The following ARHGEF11 variants were observed in gnomAD, a reference collection of about 807,000 sequenced individuals.
The protein encoded by ARHGEF11 is Rho guanine exchange factor (GEF) 11.
A neutral mutation model predicts 193.7 loss-of-function variants in ARHGEF11; 55 were observed. The ratio of observed to expected loss-of-function variants is 0.28; its 90% CI spans 0.23 to 0.36. ARHGEF11 has a LOEUF of 0.36. ARHGEF11 is among the 10% of genes least tolerant of loss of function. The pLI, the probability that ARHGEF11 is intolerant of heterozygous loss-of-function variation, is 1.00. For missense variants in ARHGEF11, 1,723 were observed against 2,005.6 expected (o/e 0.86, Z 2.69); for synonymous variants, 693 against 768.0 (o/e 0.90, Z 1.62).
chr1:156,965,439 T>C (rs1383617795), intron 11 of ARHGEF11, among the ~76,000 whole-genome samples: 1 of 152,198 alleles, frequency 6.6e-6, no homozygotes, highest in Non-Finnish European at 1.5e-5. Flanking sequence ...AGGCTAGCCC[T>C]TGAACATTCC....
chr1:156,996,568 T>C (rs1384359167), intron 1 of ARHGEF11, among the ~76,000 whole-genome samples: 1 of 151,692 alleles, frequency 6.6e-6, no homozygotes, highest in Admixed American at 6.6e-5. Flanking sequence ...GGTCAGGAGA[T>C]TGAGACCATC....
At position 156,974,343 on chromosome 1, in the gene ARHGEF11, C is replaced by T. The variant is rs1662959546; in HGVS notation, c.583-2527G>A. On this transcript the variant is annotated intron_variant, in intron 7 of 40. Transcript: ENST00000368194. ...TTGGCTTCCCAAAGTGCTGGGATTA[C>T]AGGCATGAGCTACCACTCCTGGTCC... Among the ~76,000 whole-genome samples the T allele has an allele frequency of 2.0e-5, 3 of 152,220 alleles. No homozygotes were observed. In the South Asian group the frequency reaches 6.2e-4, roughly 31 times the overall value.
chr1:156,983,008 C>T (rs548662865), intron 3 of ARHGEF11, among the ~76,000 whole-genome samples: 1 of 152,278 alleles, frequency 6.6e-6, no homozygotes, highest in Admixed American at 6.5e-5. Flanking sequence ...CTCATATCTT[C>T]CTCCAAAATC....
rs934961166 is a variant in ARHGEF11 at position 156,935,724 on chromosome 1, T to TGGGTG, written c.*275_*276insCACCC. Reference sequence around the variant, plus strand: ...ACATATGTGGGGTGAGGGCAGACCATGGTGAGTGGGGGCCTTTCGGATGCA... The same window carrying TGGGTG: ...ACATATGTGGGGTGAGGGCAGACCATGGGTGGGTGAGTGGGGGCCTTTCGGATGCA... On this transcript the variant is annotated 3_prime_UTR_variant, in exon 41 of 41. Transcript: ENST00000368194. 3.8e-4 allele frequency: 172 copies of TGGGTG among 455,810 alleles called. No homozygotes were observed. Among genetic ancestry groups the TGGGTG allele is most frequent in the African/African-American group, 3.3e-3 (168 of 51,174 alleles). 28.2% of individuals were successfully genotyped at this position (455,810 alleles called of 1,614,324 possible). A position where few individuals can be genotyped will look rare whatever the true frequency, so the allele number is the denominator to read the frequency against.
At chr1:156,973,330 C>T (rs967866342) in intron 7 of ARHGEF11, among the ~76,000 whole-genome samples, 43 of 152,290 alleles carry the variant, frequency 2.8e-4, no homozygotes, top group African/African-American at 9.9e-4. Flanking sequence ...CCCATTACTG[C>T]GCAGGCTACT....
chr1:156,997,053 G>C (rs946851307), intron 1 of ARHGEF11, among the ~76,000 whole-genome samples: 8 of 150,506 alleles, frequency 5.3e-5, no homozygotes, highest in Admixed American at 2.6e-4. Flanking sequence ...TTTTTTTGTA[G>C]AGATGGGGTC....
chr1:157,042,395 A>G (rs2103111363), intron 1 of ARHGEF11, among the ~76,000 whole-genome samples: 1 of 152,286 alleles, frequency 6.6e-6, no homozygotes. Context: ...CCAGTACAGA[A>G]GCCTAGTTAG....
chr1:156,961,599 T>C (rs1271635242), intron 14 of ARHGEF11, 78 bp downstream of exon 14: 1 of 1,239,548 alleles, frequency 8.1e-7, no homozygotes, highest in East Asian at 2.3e-5. Flanking sequence ...TTGGCCTGGA[T>C]GTTTTGCTTA....
chr1:156,944,527 T>G, intron 30 of ARHGEF11, 94 bp from the exon 31 acceptor site: 1 of 1,346,868 alleles, frequency 7.4e-7, no homozygotes, highest in Non-Finnish European at 1.1e-6. Flanking sequence ...GTTAAGGTGC[T>G]GGGAATTGGT....
In ARHGEF11 at chr1:156,956,459, G is replaced by C; in HGVS notation, c.1632C>G (p.Asp544Glu). Reference protein sequence around the residue: ...NTAEKAQSAPDKDKWLPFFPK... With the variant: ...NTAEKAQSAPEKDKWLPFFPK... ...GGAAGAACGGTAGCCACTTGTCCTT[G>C]TCAGGAGCAGACTGGGCCTTTTCAG... Residue 544 changes from aspartate to glutamate, a missense_variant, in exon 19 of 41, where the codon GAC (aspartate) becomes GAG (glutamate). This residue lies in a region of ARHGEF11 where 646 missense variants were observed against 710.7 expected (regional missense o/e 0.91). Coordinates refer to ENST00000368194, the MANE Select transcript of ARHGEF11 (RefSeq NM_198236.3). 1 of 1,614,172 alleles carries C rather than the reference G, an allele frequency of 6.2e-7. No individual in the cohort carries two copies. The highest frequency in any genetic ancestry group is 2.2e-5 in the East Asian group (1 of 44,876).
chr1:157,004,266 C>T (rs1269025944), intron 1 of ARHGEF11, among the ~76,000 whole-genome samples: 1 of 152,230 alleles, frequency 6.6e-6, no homozygotes, highest in Non-Finnish European at 1.5e-5. Context: ...TATATTCCTA[C>T]CACTATCCTA....
intron 26 of ARHGEF11, 54 bp downstream of exon 26, chr1:156,947,250 A>AGGTTACCTACTT: frequency 1.3e-6 from 2 of 1,560,978 alleles, no homozygotes; most frequent in Non-Finnish European, 1.7e-6. Flanking sequence ...CCAAAGTGGA[A>AGGTTACCTACTT]CAGGAAGCTG....
intron 1 of ARHGEF11, among the ~76,000 whole-genome samples, chr1:157,022,890 A>T (rs1401664781): frequency 6.6e-6 from 1 of 152,344 alleles, no homozygotes; most frequent in East Asian, 1.9e-4. Context: ...GTGCCAAGAC[A>T]ATTAAATGGA....
At position 157,026,501 on chromosome 1, in the gene ARHGEF11, A is replaced by G. The variant is rs569404348; in HGVS notation, c.32+17798T>C. Among the ~76,000 whole-genome samples the G allele has an allele frequency of 2.6e-5, 4 of 152,346 alleles. No homozygotes were observed. In the South Asian group the frequency reaches 6.2e-4, roughly 24 times the overall value. ...CCCAGATCACCCAGATGATTATAAT[A>G]GAGAAGGTAGGGCTAGAACTGTAGA... is the stretch of plus-strand genomic sequence containing the variant. On this transcript the variant is annotated intron_variant, in intron 1 of 40. Coordinates refer to ENST00000368194, the MANE Select transcript of ARHGEF11 (RefSeq NM_198236.3).
chr1:157,000,045 C>G (rs999656966), intron 1 of ARHGEF11, among the ~76,000 whole-genome samples: 2 of 152,216 alleles, frequency 1.3e-5, no homozygotes, highest in African/African-American at 4.8e-5. Context: ...CTCACTGCAA[C>G]CTTCGCCTCC....
At chr1:156,943,060 T>C (rs550829810) in intron 32 of ARHGEF11, among the ~76,000 whole-genome samples, 19 of 143,874 alleles carry the variant, frequency 1.3e-4, no homozygotes, top group Non-Finnish European at 2.2e-4. Context: ...TTAGGAGTTA[T>C]AAAACTTTTT....
chr1:156,967,653 C>T (rs74116944), intron 11 of ARHGEF11, among the ~76,000 whole-genome samples: 2,446 of 151,974 alleles, frequency 0.016, 66 homozygotes, highest in African/African-American at 0.056. Context: ...AACGGGGAAA[C>T]TGAAAATTAG....
In ARHGEF11 at chr1:157,037,082, C is replaced by T. The variant is rs181057758; in HGVS notation, c.32+7217G>A. Reference sequence around the variant, plus strand: ...GGCAGGGGTTGCAGTGAGCCAAGATCGTGCCATGGCACTGTAGCCTGCGTA... The same window carrying T: ...GGCAGGGGTTGCAGTGAGCCAAGATTGTGCCATGGCACTGTAGCCTGCGTA... On this transcript the variant is annotated intron_variant, in intron 1 of 40. Coordinates refer to ENST00000368194, the MANE Select transcript of ARHGEF11 (RefSeq NM_198236.3). Among the ~76,000 whole-genome samples, 215 of 152,206 alleles carry T rather than the reference C, an allele frequency of 1.4e-3. 1 individual carries two copies. Among genetic ancestry groups the T allele is most frequent in the African/African-American group, 5.0e-3 (208 of 41,534 alleles).
chr1:157,034,511 C>A (rs923231694), intron 1 of ARHGEF11, among the ~76,000 whole-genome samples: 2 of 152,206 alleles, frequency 1.3e-5, no homozygotes, highest in Non-Finnish European at 2.9e-5. Context: ...CCAATGAGAA[C>A]GAGAGGAATT....
Sources: gnomAD v4.1 joint callset for allele counts (sites outside exome capture counted in the v4.1 genomes callset) on GRCh38, gnomAD v4.1.1 for gene constraint, gnomAD v4.1.1 regional missense constraint, MANE v1.5 for transcripts, NCBI Gene and HGNC (gene_info 2026-07-23, HGNC 2026-07-21) for gene names.